Variants in SLC36A1 observed in about 807,000 individuals in gnomAD.
The protein encoded by SLC36A1 is solute carrier family 36 member 1.
SLC36A1 carries 30 observed loss-of-function variants against 47.5 expected under a neutral mutation model. The ratio of observed to expected loss-of-function variants is 0.63; its 90% confidence interval spans 0.47 to 0.86. The LOEUF (loss-of-function observed/expected upper bound fraction) is 0.86, where lower values mean the gene tolerates loss of function less well. SLC36A1 is among the 40% of genes least tolerant of loss of function. The pLI is 0.00. For missense variants in SLC36A1, 517 were observed against 606.0 expected (o/e 0.85, Z 1.54); for synonymous variants, 255 against 249.7 (o/e 1.02, Z -0.20).
intron 1 of SLC36A1, chr5:151,437,314 T>TTAA (rs1300117125): frequency 2.0e-5 from 3 of 152,216 alleles, no homozygotes; most frequent in Non-Finnish European, 4.4e-5. Flanking sequence ...ACTTTAACAA[T>TTAA]TAATATTCAC....
the SLC36A1 span, among the ~76,000 whole-genome samples, chr5:151,536,221 G>GA: frequency 7.9e-5 from 12 of 150,954 alleles, no homozygotes; most frequent in East Asian, 3.9e-4. Context: ...TCCATATTCA[G>GA]AAAAAAAAAC....
At chr5:151,461,582 A>T (rs1162961112) in intron 2 of SLC36A1, among the ~76,000 whole-genome samples, 2 of 152,050 alleles carry the variant, frequency 1.3e-5, no homozygotes, top group African/African-American at 4.8e-5. Context: ...TGAGGCTAAA[A>T]CTCTCTTCAT....
At chr5:151,521,511 G>C in the SLC36A1 span, 1 of 1,614,198 alleles carries the variant, frequency 6.2e-7, no homozygotes, top group Non-Finnish European at 8.5e-7. Flanking sequence ...CCTGAAACTC[G>C]TAGAAGGTTC....
intron 1 of SLC36A1, among the ~76,000 whole-genome samples, chr5:151,456,962 G>A (rs1162144060): frequency 6.6e-6 from 1 of 152,118 alleles, no homozygotes; most frequent in African/African-American, 2.4e-5. Flanking sequence ...CTCCTCTCAA[G>A]GTAGCTGAGA....
the SLC36A1 span, among the ~76,000 whole-genome samples, chr5:151,519,196 T>C: frequency 6.6e-6 from 1 of 152,088 alleles, no homozygotes; most frequent in Non-Finnish European, 1.5e-5. Flanking sequence ...ATACAAAAAT[T>C]ACCTGGGCAT....
chr5:151,446,311 C>T (rs1218070495), upstream of SLC36A1, among the ~76,000 whole-genome samples: 1 of 152,172 alleles, frequency 6.6e-6, no homozygotes, highest in Non-Finnish European at 1.5e-5. Flanking sequence ...GTGGGCAGAT[C>T]ACCTGAGGTC....
the SLC36A1 span, among the ~76,000 whole-genome samples, chr5:151,396,501 C>A: frequency 1.3e-5 from 2 of 152,120 alleles, no homozygotes; most frequent in Non-Finnish European, 2.9e-5. Context: ...TAAATTAGAT[C>A]AAGAATGTAG....
intron 7 of SLC36A1, among the ~76,000 whole-genome samples, chr5:151,472,789 TAAATTA>T (rs897191594): frequency 2.6e-5 from 4 of 152,352 alleles, no homozygotes; most frequent in Non-Finnish European, 4.4e-5. Flanking sequence ...AGTGAATATA[TAAATTA>T]AAATTAAAAT....
In SLC36A1 at chr5:151,488,467, G is replaced by A; in HGVS notation, c.*213G>A. Reference sequence around the variant, plus strand: ...ACGCAGAAGTGCTACTAGTGACAGGGCTGCCATCGCTCACCTGTACCTATT... The same window carrying A: ...ACGCAGAAGTGCTACTAGTGACAGGACTGCCATCGCTCACCTGTACCTATT... On this transcript the variant is annotated 3_prime_UTR_variant, in exon 11 of 11. Transcript: ENST00000243389. 1 of 609,446 alleles carries A rather than the reference G, an allele frequency of 1.6e-6. No homozygotes were observed. Among genetic ancestry groups the A allele is most frequent in the Non-Finnish European group, 2.8e-6 (1 of 351,302 alleles). The allele number at this position is 609,446 out of a possible 1,614,324, so 37.8% of individuals were successfully genotyped here.
At chr5:151,449,852 G>C (rs1032547474) in intron 1 of SLC36A1, among the ~76,000 whole-genome samples, 57 of 152,352 alleles carry the variant, frequency 3.7e-4, no homozygotes, top group African/African-American at 1.3e-3. Flanking sequence ...AAAATTTTAA[G>C]TTTTCTTTCA....
Position 151,458,784 on chromosome 5 carries a change from C to G in SLC36A1, c.-5-4C>G, listed in dbSNP as rs564072695. ...AGGTCTTAATGCTGGCCCTGTCCCC[C>G]CAGCTGCCATGTCCACGCAGAGACT... On this transcript the variant is annotated splice_region_variant and splice_polypyrimidine_tract_variant and intron_variant, in intron 1 of 10. Coordinates refer to ENST00000243389, the MANE Select transcript of SLC36A1 (RefSeq NM_078483.4). 208 of 1,613,134 alleles carry G rather than the reference C, an allele frequency of 1.3e-4. 3 individuals are homozygous for G. In the South Asian group the frequency reaches 2.1e-3, roughly 17 times the overall value.
chr5:151,422,415 A>G, the SLC36A1 span, among the ~76,000 whole-genome samples: 3 of 152,236 alleles, frequency 2.0e-5, no homozygotes, highest in Non-Finnish European at 2.9e-5. Context: ...AAACAATCAG[A>G]TTAAAAAATG....
intron 3 of SLC36A1, among the ~76,000 whole-genome samples, chr5:151,464,163 G>A (rs1270994888): frequency 6.6e-6 from 1 of 152,190 alleles, no homozygotes; most frequent in African/African-American, 2.4e-5. Flanking sequence ...ATCTGGCATT[G>A]CTGTAAAGAT....
At chr5:151,423,312 A>G in the SLC36A1 span, among the ~76,000 whole-genome samples, 2 of 152,206 alleles carry the variant, frequency 1.3e-5, no homozygotes, top group African/African-American at 4.8e-5. Flanking sequence ...TTGAAAATTT[A>G]CACCCACAAA....
chr5:151,540,239 C>A, the SLC36A1 span, among the ~76,000 whole-genome samples: 1 of 152,158 alleles, frequency 6.6e-6, no homozygotes, highest in Non-Finnish European at 1.5e-5. Context: ...AAGGAATTAC[C>A]TAGAATGGTC....
chr5:151,544,172 A>G, the SLC36A1 span: 1 of 1,614,232 alleles, frequency 6.2e-7, no homozygotes, highest in Non-Finnish European at 8.5e-7. Context: ...AAGAACTTGG[A>G]AACATCTGAG....
chr5:151,358,654 G>C, the SLC36A1 span, among the ~76,000 whole-genome samples: 1 of 152,114 alleles, frequency 6.6e-6, no homozygotes, highest in Non-Finnish European at 1.5e-5. Flanking sequence ...CAGTGGGCAC[G>C]ACAACCGCCT....
the SLC36A1 span, chr5:151,512,734 A>C: frequency 1.2e-6 from 1 of 839,904 alleles, no homozygotes; most frequent in Non-Finnish European, 1.8e-6. The surrounding 1 kb of genome is among the most constrained non-coding windows in gnomAD (Gnocchi z 4.1). Context: ...GCTGTTTTAG[A>C]CATGGCATTT....
the SLC36A1 span, among the ~76,000 whole-genome samples, chr5:151,385,372 G>A: frequency 6.6e-6 from 1 of 152,226 alleles, no homozygotes; most frequent in African/African-American, 2.4e-5. Context: ...CAGGCAGGGA[G>A]AGAAAGTCAC....
Sources: gnomAD v4.1 joint callset for allele counts (sites outside exome capture counted in the v4.1 genomes callset) on GRCh38, gnomAD v4.1.1 for gene constraint, Gnocchi (gnomAD v3.1) non-coding constraint, MANE v1.5 for transcripts, NCBI Gene and HGNC (gene_info 2026-07-23, HGNC 2026-07-21) for gene names.